CSPP1: variants seen among roughly 807,000 people sequenced by gnomAD.
CSPP1 encodes centrosome and spindle pole associated protein 1, also known as centrosome and spindle pole-associated protein 1.
Under a neutral mutation model 164.4 loss-of-function variants are expected in CSPP1, and 126 were observed. The ratio of observed to expected loss-of-function variants is 0.77; its 90% confidence interval spans 0.66 to 0.89. CSPP1 has a LOEUF of 0.89. Ranked by LOEUF, CSPP1 falls within the 40% of genes least tolerant of loss-of-function variation. The probability of loss-of-function intolerance (pLI) is 0.00; values close to 1 mark genes in which losing one functional copy is unlikely to be tolerated. For synonymous variants in CSPP1, 472 were observed against 476.7 expected (o/e 0.99, Z 0.13); for missense variants, 1,395 against 1,449.8 (o/e 0.96, Z 0.61).
At chr8:67,167,225 A>G (rs940881273) in intron 24 of CSPP1, among the ~76,000 whole-genome samples, 6 of 152,220 alleles carry the variant, frequency 3.9e-5, no homozygotes, top group African/African-American at 1.2e-4. Flanking sequence ...CCCGTTCTCA[A>G]TGAGCTGTTG....
chr8:67,071,434 T>C (rs1295252905), intron 1 of CSPP1, among the ~76,000 whole-genome samples: 4 of 151,992 alleles, frequency 2.6e-5, no homozygotes, highest in Non-Finnish European at 2.9e-5. Flanking sequence ...ACATTGGCTG[T>C]TGTTTAGTTC....
chr8:67,090,259 C>A (rs1223364148), intron 4 of CSPP1, among the ~76,000 whole-genome samples: 2 of 152,120 alleles, frequency 1.3e-5, no homozygotes, highest in Non-Finnish European at 2.9e-5. Context: ...TAGCACAACT[C>A]ATTTGTAAAT....
At position 67,159,852 on chromosome 8, in the gene CSPP1, T is replaced by TTCTC. The variant is rs1554605176; in HGVS notation, c.2538+716_2538+717insCTCT. On this transcript the variant is annotated intron_variant, in intron 21 of 30. Transcript: ENST00000678616. ...TCTCTTTCTTTCTTTCTTTCTTTCT[T>TTCTC]TTTCTTTCTTTCTTTCTTTCTTTCT... Among the ~76,000 whole-genome samples the TTCTC allele has an allele frequency of 9.7e-4, 46 of 47,610 alleles. 2 individuals carry two copies. Among genetic ancestry groups the TTCTC allele is most frequent in the East Asian group, 1.1e-3 (2 of 1,834 alleles). The allele number at this position is 47,610 out of a possible 152,430, so 31.2% of individuals were successfully genotyped here.
intron 2 of CSPP1, among the ~76,000 whole-genome samples, chr8:67,075,919 C>T (rs958510968): frequency 3.9e-5 from 6 of 152,164 alleles, no homozygotes; most frequent in Admixed American, 6.5e-5. Context: ...GACCAGCTTA[C>T]GGCTTTGGAG....
chr8:67,150,048 T>C, intron 18 of CSPP1, 113 bp downstream of exon 18: 1 of 1,127,012 alleles, frequency 8.9e-7, no homozygotes. Context: ...TTGGCTATCC[T>C]GATACAGGAA....
In CSPP1 at chr8:67,153,110, G is replaced by A. The variant is rs1586558264; in HGVS notation, c.2129-914G>A. ...CCAGCTACTTGGGAGGCTGAAGCAG[G>A]AGAATAGCTTGAACCTGGGAGGCAG... On this transcript the variant is annotated intron_variant, in intron 18 of 30. Coordinates refer to ENST00000678616, the MANE Select transcript of CSPP1 (RefSeq NM_001382391.1). 2.0e-5 allele frequency among the ~76,000 whole-genome samples: 3 copies of A among 151,986 alleles called. No homozygotes were observed. The South Asian group carries it at 6.2e-4, about 31-fold the overall frequency.
chr8:67,103,377 A>T (rs1208020191), intron 8 of CSPP1, among the ~76,000 whole-genome samples: 2 of 152,210 alleles, frequency 1.3e-5, no homozygotes, highest in African/African-American at 4.8e-5. Context: ...GTTCTGAAGA[A>T]GTCCCTATCA....
At position 67,118,822 on chromosome 8, in the gene CSPP1, G is replaced by GC; in HGVS notation, c.1697+1_1697+2insC. The GC allele has an allele frequency of 6.3e-7, 1 of 1,599,934 alleles. No individual in the cohort carries two copies. On this transcript the variant is annotated splice_donor_variant, in intron 15 of 30. Coordinates refer to ENST00000678616, the MANE Select transcript of CSPP1 (RefSeq NM_001382391.1). LOFTEE classifies it high-confidence loss of function. ...CCCACCAACTAGCACAACCTGTTGTGTAAGTTATTAGTTAAAAGAATAATT... is the reference window on the plus strand; with the variant it reads ...CCCACCAACTAGCACAACCTGTTGTGCTAAGTTATTAGTTAAAAGAATAATT...
intron 12 of CSPP1, 127 bp from the exon 13 acceptor site, chr8:67,115,787 T>TAA: frequency 1.6e-6 from 1 of 615,264 alleles, no homozygotes; most frequent in Non-Finnish European, 2.9e-6. Flanking sequence ...GAGTCTTTTA[T>TAA]AGCTGTAAAA....
chr8:67,104,968 T>TATATATATATA (rs58594151), intron 8 of CSPP1, among the ~76,000 whole-genome samples: 46 of 78,436 alleles, frequency 5.9e-4, no homozygotes, highest in Admixed American at 1.6e-3. Flanking sequence ...ATATATATAT[T>TATATATATATA]TTTTTTTTTT....
At chr8:67,176,459 C>T (rs1831664454) in intron 26 of CSPP1, among the ~76,000 whole-genome samples, 2 of 152,178 alleles carry the variant, frequency 1.3e-5, no homozygotes, top group South Asian at 4.1e-4. Context: ...GTCGTCCCTT[C>T]ATCTGGTACA....
At chr8:67,186,503 G>A (rs1355981093) in intron 28 of CSPP1, among the ~76,000 whole-genome samples, 2 of 151,608 alleles carry the variant, frequency 1.3e-5, no homozygotes, top group African/African-American at 4.9e-5. Context: ...ACCCATTTAT[G>A]GTAACTCAGC....
rs769132057 is a variant in CSPP1 at position 67,193,528 on chromosome 8, TTGA to T, written c.3399_3401del (p.Asp1133del). 1 of 1,612,900 alleles carries T rather than the reference TTGA, an allele frequency of 6.2e-7. No homozygotes were observed. The highest frequency in any genetic ancestry group is 1.3e-5 in the African/African-American group (1 of 74,990). On this transcript the variant is annotated inframe_deletion, in exon 30 of 31. Transcript: ENST00000678616. The stretch of plus-strand genomic sequence containing the variant: ...CTAAAATCTATATCCAGTGTAAATG[TTGA>T]TGAGCTTAGAGTGAGAAATGAGGAA...
intron 1 of CSPP1, among the ~76,000 whole-genome samples, chr8:67,066,046 T>C (rs897184876): frequency 2.0e-5 from 3 of 152,186 alleles, no homozygotes; most frequent in Non-Finnish European, 4.4e-5. Context: ...GCAAGGGTGT[T>C]TGAGCAAGTG....
At chr8:67,186,917 T>C (rs542575386) in intron 28 of CSPP1, among the ~76,000 whole-genome samples, 6 of 152,282 alleles carry the variant, frequency 3.9e-5, no homozygotes, top group African/African-American at 1.4e-4. Flanking sequence ...AAAAACACAA[T>C]ACCACTTACA....
At chr8:67,079,074 C>T (rs193061911) in intron 3 of CSPP1, among the ~76,000 whole-genome samples, 2 of 152,200 alleles carry the variant, frequency 1.3e-5, no homozygotes, top group East Asian at 1.9e-4. Flanking sequence ...AAGATGGTGA[C>T]CTCTGCCTTT....
chr8:67,179,064 G>A (rs750547145), intron 27 of CSPP1, among the ~76,000 whole-genome samples: 2 of 152,204 alleles, frequency 1.3e-5, no homozygotes, highest in Non-Finnish European at 2.9e-5. Context: ...TTAATGGACA[G>A]CTCTTTGCTG....
intron 24 of CSPP1, among the ~76,000 whole-genome samples, chr8:67,168,991 T>C (rs138356843): frequency 6.6e-6 from 1 of 152,288 alleles, no homozygotes; most frequent in African/African-American, 2.4e-5. Context: ...CAGAGTCATT[T>C]TGTGGCCCCA....
At chr8:67,113,000 C>CT (rs1817177307) in intron 10 of CSPP1, among the ~76,000 whole-genome samples, 1 of 152,196 alleles carries the variant, frequency 6.6e-6, no homozygotes, top group South Asian at 2.1e-4. Context: ...AATCCCAGCA[C>CT]TTTCGGAGGC....
Sources: allele counts gnomAD v4.1 joint callset (sites outside exome capture counted in the v4.1 genomes callset), GRCh38; gene constraint gnomAD v4.1.1; transcripts MANE v1.5; gene names NCBI Gene and HGNC (gene_info 2026-07-23, HGNC 2026-07-21).